Variants in LSAMP observed in about 807,000 individuals in gnomAD.
LSAMP encodes limbic system associated membrane protein.
In LSAMP, 7 loss-of-function variants were observed where a neutral mutation model predicts 38.6. The ratio of observed to expected loss-of-function variants is 0.18; its 90% CI spans 0.10 to 0.34. LSAMP has a LOEUF of 0.34. LSAMP is among the 10% of genes least tolerant of loss of function. The pLI is 1.00. For synonymous variants in LSAMP, 154 were observed against 166.8 expected (o/e 0.92, Z 0.59); for missense variants, 313 against 420.0 (o/e 0.75, Z 2.23).
intron 1 of LSAMP, among the ~76,000 whole-genome samples, chr3:116,418,746 T>C (rs1269673787): frequency 6.6e-6 from 1 of 152,188 alleles, no homozygotes; most frequent in Non-Finnish European, 1.5e-5. Flanking sequence ...CTTGTCTACA[T>C]TTTCATGTAG....
chr3:116,341,706 T>A (rs1457565124), intron 1 of LSAMP, among the ~76,000 whole-genome samples: 1 of 151,992 alleles, frequency 6.6e-6, no homozygotes, highest in African/African-American at 2.4e-5. Flanking sequence ...CTATTTCGAA[T>A]TGAATACAAT....
intron 3 of LSAMP, among the ~76,000 whole-genome samples, chr3:115,890,309 CAGAT>C (rs1936563263): frequency 6.6e-6 from 1 of 151,874 alleles, no homozygotes; most frequent in Non-Finnish European, 1.5e-5. Flanking sequence ...AGTGACCTAA[CAGAT>C]AGTCATATAG....
chr3:116,045,445 A>G (rs756904528), intron 2 of LSAMP, among the ~76,000 whole-genome samples: 1 of 151,634 alleles, frequency 6.6e-6, no homozygotes, highest in Non-Finnish European at 1.5e-5. Flanking sequence ...TTTCACTGTC[A>G]TATTTTGGAG....
chr3:116,016,352 T>C (rs983197817), intron 3 of LSAMP, among the ~76,000 whole-genome samples: 3 of 152,192 alleles, frequency 2.0e-5, no homozygotes, highest in Admixed American at 1.3e-4. Flanking sequence ...GGGAGAATAG[T>C]AGTCTGCCCT....
At chr3:116,395,865 A>G (rs572410308) in intron 1 of LSAMP, among the ~76,000 whole-genome samples, 24 of 152,172 alleles carry the variant, frequency 1.6e-4, no homozygotes, top group Admixed American at 2.0e-4. Context: ...GAGCAAAAAG[A>G]TATATATTGC....
At chr3:116,017,924 C>T (rs1940530973) in intron 3 of LSAMP, among the ~76,000 whole-genome samples, 1 of 152,088 alleles carries the variant, frequency 6.6e-6, no homozygotes, top group South Asian at 2.1e-4. Flanking sequence ...AAAAGCAATG[C>T]TACTTGGGAC....
chr3:116,288,586 T>C (rs1439242761), intron 1 of LSAMP, among the ~76,000 whole-genome samples: 1 of 152,190 alleles, frequency 6.6e-6, no homozygotes, highest in African/African-American at 2.4e-5. Context: ...TGCTGTTCTC[T>C]CCCTCACAAA....
At chr3:116,184,553 G>A (rs889647998) in intron 1 of LSAMP, among the ~76,000 whole-genome samples, 1 of 151,854 alleles carries the variant, frequency 6.6e-6, no homozygotes, top group African/African-American at 2.4e-5. Flanking sequence ...GGATTTGGGG[G>A]TATCTTTAAA....
intron 1 of LSAMP, 78 bp downstream of exon 1, chr3:116,444,787 GACACACACACAC>G (rs61173418): frequency 8.3e-7 from 1 of 1,201,772 alleles, no homozygotes; most frequent in Non-Finnish European, 1.2e-6. Flanking sequence ...AAGGAGATCA[GACACACACACAC>G]ACACACACAC....
rs747046996 is a variant in LSAMP at position 116,444,815 on chromosome 3, C to A, written c.155+62G>T. 10 of 905,070 alleles carry A rather than the reference C, an allele frequency of 1.1e-5. No homozygotes were observed. In the African/African-American group the frequency reaches 1.5e-4, roughly 14 times the overall value. 56.1% of individuals were successfully genotyped at this position (905,070 alleles called of 1,614,324 possible). A position where few individuals can be genotyped will look rare whatever the true frequency, so the allele number is the denominator to read the frequency against. On this transcript the variant is annotated intron_variant, in intron 1 of 6. Coordinates refer to ENST00000490035, the MANE Select transcript of LSAMP (RefSeq NM_002338.5). ...ACACACACACACACACACACAAACA[C>A]ACACACACACACACACACACGTGTA...
chr3:116,428,261 C>T (rs1254712112), intron 1 of LSAMP, among the ~76,000 whole-genome samples: 1 of 151,944 alleles, frequency 6.6e-6, no homozygotes, highest in African/African-American at 2.4e-5. Context: ...AGATCAAGAC[C>T]ATCCTGGCCA....
At chr3:116,408,676 G>T (rs2048930610) in intron 1 of LSAMP, among the ~76,000 whole-genome samples, 1 of 152,050 alleles carries the variant, frequency 6.6e-6, no homozygotes. Context: ...AAGCTAGAGA[G>T]ATTGCACAAT....
chr3:116,097,747 T>TC (rs1281251567), intron 1 of LSAMP, among the ~76,000 whole-genome samples: 53 of 151,738 alleles, frequency 3.5e-4, no homozygotes, highest in African/African-American at 1.2e-3. Flanking sequence ...TTTTTTTTTT[T>TC]TCTTTTAGAC....
At chr3:116,378,695 TTAAAC>T (rs1198407450) in intron 1 of LSAMP, among the ~76,000 whole-genome samples, 2 of 152,050 alleles carry the variant, frequency 1.3e-5, no homozygotes, top group African/African-American at 4.8e-5. Context: ...AGATACAAAG[TTAAAC>T]TAATTACATA....
chr3:116,287,812 T>C (rs954207335), intron 1 of LSAMP, among the ~76,000 whole-genome samples: 1 of 152,228 alleles, frequency 6.6e-6, no homozygotes, highest in African/African-American at 2.4e-5. Flanking sequence ...CAGATTTCTC[T>C]GCCTGCTCTT....
intron 1 of LSAMP, among the ~76,000 whole-genome samples, chr3:116,429,692 T>G (rs1273264214): frequency 6.6e-6 from 1 of 152,168 alleles, no homozygotes; most frequent in Non-Finnish European, 1.5e-5. Flanking sequence ...GGGAGATGGC[T>G]GAGTTCCGGC....
intron 1 of LSAMP, among the ~76,000 whole-genome samples, chr3:116,417,142 C>A (rs1264881597): frequency 1.3e-5 from 2 of 152,162 alleles, no homozygotes; most frequent in East Asian, 1.9e-4. Context: ...AGTTCAGGAG[C>A]AAATGGTGTG....
chr3:116,333,425 G>C (rs1055951533), intron 1 of LSAMP, among the ~76,000 whole-genome samples: 1 of 151,656 alleles, frequency 6.6e-6, no homozygotes, highest in Non-Finnish European at 1.5e-5. Context: ...TGTAATCCCA[G>C]CTACTCAGGA....
chr3:115,956,983 C>T (rs1006174105), intron 3 of LSAMP, among the ~76,000 whole-genome samples: 4 of 152,098 alleles, frequency 2.6e-5, no homozygotes, highest in African/African-American at 9.7e-5. Context: ...TTGTGAGGAC[C>T]CATTTAGTAA....
Sources: gnomAD v4.1 joint callset for allele counts (sites outside exome capture counted in the v4.1 genomes callset) on GRCh38, gnomAD v4.1.1 for gene constraint, MANE v1.5 for transcripts, NCBI Gene and HGNC (gene_info 2026-07-23, HGNC 2026-07-21) for gene names.